The following KNL1 variants were observed in gnomAD, a reference collection of about 807,000 sequenced individuals.
KNL1 encodes outer kinetochore KNL1 complex subunit KNL1.
A neutral mutation model predicts 201.3 loss-of-function variants in KNL1; 66 were observed. The observed-to-expected ratio is 0.33, with a 90% CI of 0.27 to 0.40. The LOEUF is 0.40. KNL1 is among the 10% of genes least tolerant of loss of function. The pLI, the probability that KNL1 is intolerant of heterozygous loss-of-function variation, is 1.00. For missense variants in KNL1, 2,815 were observed against 2,690.5 expected (o/e 1.05, Z -1.02); for synonymous variants, 895 against 899.2 (o/e 1.00, Z 0.08).
At chr15:40,657,994 G>A (rs1321151458) in intron 24 of KNL1, among the ~76,000 whole-genome samples, 1 of 152,146 alleles carries the variant, frequency 6.6e-6, no homozygotes, top group Non-Finnish European at 1.5e-5. Flanking sequence ...CAACTTGGGT[G>A]CAGTGGCTCA....
At position 40,645,567 on chromosome 15, in the gene KNL1, A is replaced by G. The variant is rs576404651; in HGVS notation, c.5890-89A>G. The G allele has an allele frequency of 1.1e-4, 64 of 594,108 alleles. 1 individual carries two copies. In the South Asian group the frequency reaches 2.0e-3, roughly 19 times the overall value. 36.8% of individuals were successfully genotyped at this position (594,108 alleles called of 1,614,324 possible). On this transcript the variant is annotated intron_variant, in intron 15 of 25. Transcript: ENST00000399668. ...TTGCAAATGACAAATATCCTGCCTT[A>G]GGATAGGCAAAGCCTAGCCTTCCTA...
chr15:40,618,992 C>A lies in KNL1; in HGVS notation c.356C>A (p.Thr119Asn). 1 of 1,605,416 alleles carries A rather than the reference C, an allele frequency of 6.2e-7. No homozygotes were observed. The highest frequency in any genetic ancestry group is 8.5e-7 in the Non-Finnish European group (1 of 1,173,136). The change falls in exon 9 of 26, where the codon ACC becomes AAC. Residue 119 changes from threonine (T) to asparagine (N), a missense_variant. This residue lies in a region of KNL1 where 2,464 missense variants were observed against 2,291.7 expected (regional missense o/e 1.08). Coordinates refer to ENST00000399668, the MANE Select transcript of KNL1 (RefSeq NM_144508.5). ...MNTLLSAPIH[T>N]QMQQKEFSII... Reference sequence around the variant, plus strand: ...ACATTGCTTTCTGCTCCCATTCATACCCAGATGCAACAGAAGGAGGTATGA... The same window carrying A: ...ACATTGCTTTCTGCTCCCATTCATAACCAGATGCAACAGAAGGAGGTATGA...
chr15:40,613,031 G>A (rs965934620), intron 7 of KNL1, among the ~76,000 whole-genome samples: 1 of 152,034 alleles, frequency 6.6e-6, no homozygotes, highest in African/African-American at 2.4e-5. Flanking sequence ...TCACAGCAGC[G>A]TTTATTATAA....
intron 24 of KNL1, among the ~76,000 whole-genome samples, chr15:40,658,044 AATCACAAGG>A (rs2141768111): frequency 6.6e-6 from 1 of 151,240 alleles, no homozygotes; most frequent in Non-Finnish European, 1.5e-5. Context: ...GAGGTGGGCG[AATCACAAGG>A]TCAGGACTTC....
chr15:40,614,102 T>C (rs1237091509), intron 7 of KNL1, among the ~76,000 whole-genome samples: 78 of 51,588 alleles, frequency 1.5e-3, no homozygotes, highest in East Asian at 3.9e-3. Context: ...CTGGCCCCCC[T>C]TTTTTTTTTT....
intron 1 of KNL1, among the ~76,000 whole-genome samples, chr15:40,598,916 G>T (rs1192571736): frequency 6.6e-6 from 1 of 151,848 alleles, no homozygotes; most frequent in Non-Finnish European, 1.5e-5. Flanking sequence ...CTATCCTCCT[G>T]CCTCACCCTC....
chr15:40,654,645 G>A (rs1236585236), intron 21 of KNL1, among the ~76,000 whole-genome samples: 6 of 151,690 alleles, frequency 4.0e-5, no homozygotes, highest in African/African-American at 9.7e-5. Context: ...TGAGGTAGGC[G>A]GATCACGAGG....
chr15:40,635,233 T>TA (rs1450909201), intron 13 of KNL1, among the ~76,000 whole-genome samples: 1 of 151,512 alleles, frequency 6.6e-6, no homozygotes, highest in Non-Finnish European at 1.5e-5. Flanking sequence ...TATTTTTTTT[T>TA]AGTAGAGACA....
chr15:40,663,934 G>A lies in KNL1; in HGVS notation c.*1746G>A. 5.3e-6 allele frequency: 1 copy of A among 190,326 alleles called. No homozygotes were observed. Among genetic ancestry groups the A allele is most frequent in the Non-Finnish European group, 1.1e-5 (1 of 90,686 alleles). 11.8% of individuals were successfully genotyped at this position (190,326 alleles called of 1,614,324 possible). A position where few individuals can be genotyped will look rare whatever the true frequency, so the allele number is the denominator to read the frequency against. ...GAGCTATACGTCAAAAGACACATAA[G>A]CTTCAAAAGTCAAGACAAACCTCAT... is the stretch of plus-strand genomic sequence containing the variant. On this transcript the variant is annotated 3_prime_UTR_variant, in exon 26 of 26. Coordinates refer to ENST00000399668, the MANE Select transcript of KNL1 (RefSeq NM_144508.5).
At chr15:40,640,820 T>G (rs760602804) in intron 13 of KNL1, 92 bp from the exon 14 acceptor site, 7 of 786,656 alleles carry the variant, frequency 8.9e-6, no homozygotes, top group Non-Finnish European at 1.5e-5. Flanking sequence ...TGTAGAACAT[T>G]TTAAAATAGG....
rs1892624953 is a variant in KNL1, at chr15:40,623,590, A to G, written c.3326A>G (p.His1109Arg). The change falls in exon 10 of 26, where the codon CAT (histidine) becomes CGT (arginine). Residue 1109 changes from histidine to arginine, a missense_variant. Around this residue, in one of 3 missense-constraint regions of KNL1, gnomAD observed 2,464 missense variants for 2,291.7 expected, o/e 1.08. Coordinates refer to ENST00000399668, the MANE Select transcript of KNL1 (RefSeq NM_144508.5). ...GCCCTGGAGGATAAAGAGGACTTCC[A>G]TTTGGCAGGGGCTTCTAAAACTATT... ...ESALEDKEDF[H>R]LAGASKTILY... The G allele has an allele frequency of 2.5e-6, 4 of 1,613,634 alleles. No individual in the cohort carries two copies. Among genetic ancestry groups the G allele is most frequent in the Non-Finnish European group, 3.4e-6 (4 of 1,179,858 alleles).
In KNL1 at chr15:40,622,214, C is replaced by T; in HGVS notation, c.1950C>T (p.Pro650=). ...AAGATTGGGTTTTGAAGATTTTGCC[C>T]TACCTTGATAAAGATTCTCCTCAGT... The part of the protein sequence containing the change: ...KDKDWVLKIL[P]YLDKDSPQSA... Residue 650 remains proline, a synonymous_variant, in exon 10 of 26, where the codon CCC becomes CCT. Coordinates refer to ENST00000399668, the MANE Select transcript of KNL1 (RefSeq NM_144508.5). The T allele has an allele frequency of 8.1e-6, 13 of 1,614,064 alleles. No individual in the cohort carries two copies. Among genetic ancestry groups the T allele is most frequent in the Non-Finnish European group, 1.1e-5 (13 of 1,179,960 alleles).
chr15:40,623,099 T>A lies in KNL1; in HGVS notation c.2835T>A (p.Phe945Leu). The A allele has an allele frequency of 6.2e-7, 1 of 1,613,896 alleles. No individual in the cohort carries two copies. The highest frequency in any genetic ancestry group is 1.6e-4 in the Middle Eastern group (1 of 6,062). ...GGCCTATGGACAAAACTGTAGTGTT[T>A]GTAGATAATCATGTTGAACTAGAAA... is the stretch of plus-strand genomic sequence containing the variant. ...TTRPMDKTVV[F>L]VDNHVELEMT... Residue 945 changes from phenylalanine to leucine, a missense_variant, in exon 10 of 26, where the codon TTT becomes TTA. By Grantham distance (22) the Phe-to-Leu change is conservative. Coordinates refer to ENST00000399668, the MANE Select transcript of KNL1 (RefSeq NM_144508.5).
chr15:40,635,441 G>A (rs1197147260), intron 13 of KNL1, among the ~76,000 whole-genome samples: 3 of 151,036 alleles, frequency 2.0e-5, no homozygotes, highest in Non-Finnish European at 3.0e-5. Context: ...CGCAACCTCC[G>A]CCTCCCAGGT....
chr15:40,621,953 G>C lies in KNL1; in HGVS notation c.1689G>C (p.Lys563Asn). Residue 563 changes from lysine (K) to asparagine (N), a missense_variant, in exon 10 of 26, where the codon AAG becomes AAC. This residue lies in a region of KNL1 where 2,464 missense variants were observed against 2,291.7 expected (regional missense o/e 1.08). Coordinates refer to ENST00000399668, the MANE Select transcript of KNL1 (RefSeq NM_144508.5). The stretch of plus-strand genomic sequence containing the variant: ...TGTCTATTTCATTGACTGATAGAAA[G>C]ACTGAACTCTTATCAGGTGAAAATA... ...NPLSISLTDR[K>N]TELLSGENMD... 1 of 1,613,918 alleles carries C rather than the reference G, an allele frequency of 6.2e-7. No homozygotes were observed. Among genetic ancestry groups the C allele is most frequent in the Non-Finnish European group, 8.5e-7 (1 of 1,179,886 alleles).
intron 25 of KNL1, among the ~76,000 whole-genome samples, chr15:40,660,979 T>C (rs1020635147): frequency 3.9e-5 from 6 of 152,132 alleles, no homozygotes; most frequent in African/African-American, 1.4e-4. Flanking sequence ...ACAGAGTCTG[T>C]GGAACCAGCC....
intron 10 of KNL1, among the ~76,000 whole-genome samples, chr15:40,626,331 T>C (rs1025703528): frequency 2.3e-4 from 35 of 150,864 alleles, no homozygotes; most frequent in African/African-American, 5.1e-4. Context: ...TTCTTTCTTT[T>C]TTTTTTTTTT....
At position 40,621,800 on chromosome 15, in the gene KNL1, A is replaced by G. The variant is rs767149699; in HGVS notation, c.1536A>G (p.Pro512=). The G allele has an allele frequency of 6.2e-7, 1 of 1,613,954 alleles. No homozygotes were observed. The highest frequency in any genetic ancestry group is 2.2e-5 in the East Asian group (1 of 44,870). ...CAAATGTGCAAATAGCAGCTGCACCAACACCCGAAAAAGAAATGATGCTCC... is the reference window on the plus strand; with the variant it reads ...CAAATGTGCAAATAGCAGCTGCACCGACACCCGAAAAAGAAATGATGCTCC... ...DQSNVQIAAA[P]TPEKEMMLQN... is the part of the protein sequence containing the mutation. The change falls in exon 10 of 26, where the codon CCA becomes CCG. Residue 512 remains proline (P), a synonymous_variant. Coordinates refer to ENST00000399668, the MANE Select transcript of KNL1 (RefSeq NM_144508.5).
At chr15:40,601,109 A>C (rs1223581606) in intron 1 of KNL1, among the ~76,000 whole-genome samples, 1 of 152,208 alleles carries the variant, frequency 6.6e-6, no homozygotes, top group Non-Finnish European at 1.5e-5. Context: ...GTAGCAGCCC[A>C]GCATTAGCGG....
Sources: gnomAD v4.1 joint callset for allele counts (sites outside exome capture counted in the v4.1 genomes callset) on GRCh38, gnomAD v4.1.1 for gene constraint, gnomAD v4.1.1 regional missense constraint, MANE v1.5 for transcripts, NCBI Gene and HGNC (gene_info 2026-07-23, HGNC 2026-07-21) for gene names.